The following COMMD10 variants were observed in gnomAD, a reference collection of about 807,000 sequenced individuals.
COMMD10 encodes the protein COMM domain containing 10.
Under a neutral mutation model 28.9 loss-of-function variants are expected in COMMD10, and 33 were observed. That is an observed-to-expected ratio of 1.14 (90% CI 0.87 to 1.53). COMMD10 has a LOEUF of 1.53. COMMD10 is among the 40% of genes most tolerant of loss of function. The pLI is 0.00. For synonymous variants in COMMD10, 110 were observed against 81.7 expected (o/e 1.35, Z -1.87); for missense variants, 310 against 233.4 (o/e 1.33, Z -2.14).
At chr5:116,125,001 G>C (rs776798747) in intron 4 of COMMD10, among the ~76,000 whole-genome samples, 7 of 151,490 alleles carry the variant, frequency 4.6e-5, no homozygotes, top group Non-Finnish European at 8.9e-5. Context: ...GCACACTGTT[G>C]AGTGTCTTGT....
intron 5 of COMMD10, among the ~76,000 whole-genome samples, chr5:116,185,154 A>G (rs1354813170): frequency 6.6e-6 from 1 of 152,114 alleles, no homozygotes; most frequent in South Asian, 2.1e-4. Flanking sequence ...GCGCCCATAG[A>G]TCTTTATATT....
intron 5 of COMMD10, among the ~76,000 whole-genome samples, chr5:116,162,377 T>C (rs1752946407): frequency 6.6e-6 from 1 of 152,120 alleles, no homozygotes; most frequent in Admixed American, 6.5e-5. Flanking sequence ...ATGAAATCTT[T>C]TTTGCTATAA....
At chr5:116,183,366 A>G (rs1383979121) in intron 5 of COMMD10, among the ~76,000 whole-genome samples, 5 of 152,132 alleles carry the variant, frequency 3.3e-5, no homozygotes. Flanking sequence ...AGTAGTTTTG[A>G]AAATCTGGGT....
At chr5:116,171,536 T>G (rs1016620023) in intron 5 of COMMD10, among the ~76,000 whole-genome samples, 17 of 152,204 alleles carry the variant, frequency 1.1e-4, no homozygotes, top group Non-Finnish European at 5.9e-5. Context: ...CGTGTATGTT[T>G]ATTGCAGCAC....
chr5:116,165,381 A>G (rs560168782), intron 5 of COMMD10, among the ~76,000 whole-genome samples: 29 of 152,326 alleles, frequency 1.9e-4, no homozygotes, highest in African/African-American at 6.7e-4. Flanking sequence ...ATAGCCACTC[A>G]CATACATCTT....
At chr5:116,227,595 G>C (rs1187340285) in intron 5 of COMMD10, among the ~76,000 whole-genome samples, 1 of 152,034 alleles carries the variant, frequency 6.6e-6, no homozygotes, top group Non-Finnish European at 1.5e-5. Flanking sequence ...GGGGGTTATG[G>C]AACATGTCCA....
At chr5:116,155,244 G>A (rs1752668700) in intron 5 of COMMD10, among the ~76,000 whole-genome samples, 1 of 152,022 alleles carries the variant, frequency 6.6e-6, no homozygotes, top group Non-Finnish European at 1.5e-5. Context: ...GTTTATAGTT[G>A]AATTAATACA....
intron 5 of COMMD10, among the ~76,000 whole-genome samples, chr5:116,174,830 G>A (rs139664888): frequency 6.6e-6 from 1 of 152,256 alleles, no homozygotes; most frequent in African/African-American, 2.4e-5. Context: ...AGTTGTCCTT[G>A]AAGTCTATTA....
chr5:116,145,479 C>T (rs867520161), intron 5 of COMMD10, among the ~76,000 whole-genome samples: 50 of 151,620 alleles, frequency 3.3e-4, no homozygotes, highest in Middle Eastern at 6.8e-3. Flanking sequence ...AGTAACTGAC[C>T]CTGGAGTCTA....
At chr5:116,286,175 C>CT (rs1161112213) in intron 5 of COMMD10, among the ~76,000 whole-genome samples, 4 of 151,504 alleles carry the variant, frequency 2.6e-5, no homozygotes, top group Non-Finnish European at 5.9e-5. Flanking sequence ...TTTTATAACA[C>CT]TTTTTTATTT....
chr5:116,191,615 C>G (rs1361104466), intron 5 of COMMD10, among the ~76,000 whole-genome samples: 1 of 151,886 alleles, frequency 6.6e-6, no homozygotes, highest in African/African-American at 2.4e-5. Context: ...TCACCCCAAC[C>G]CCCAACAGCA....
chr5:116,223,042 T>C (rs1245295256), intron 5 of COMMD10, among the ~76,000 whole-genome samples: 2 of 152,186 alleles, frequency 1.3e-5, no homozygotes, highest in Admixed American at 6.5e-5. Flanking sequence ...TTGCTCTTGA[T>C]TGGAGTATAT....
At chr5:116,222,997 T>C (rs1749303835) in intron 5 of COMMD10, among the ~76,000 whole-genome samples, 1 of 152,204 alleles carries the variant, frequency 6.6e-6, no homozygotes, top group African/African-American at 2.4e-5. Flanking sequence ...GCCGCCCTTT[T>C]TAATACTATG....
intron 4 of COMMD10, among the ~76,000 whole-genome samples, chr5:116,107,593 A>G (rs990559229): frequency 6.6e-6 from 1 of 151,902 alleles, no homozygotes; most frequent in African/African-American, 2.4e-5. Flanking sequence ...CTTTTTTTCA[A>G]GGTTCTTAGC....
At chr5:116,243,294 A>G (rs1749860599) in intron 5 of COMMD10, among the ~76,000 whole-genome samples, 1 of 152,194 alleles carries the variant, frequency 6.6e-6, no homozygotes, top group Non-Finnish European at 1.5e-5. Context: ...TTTGCATTAC[A>G]TACATGTTCA....
At chr5:116,099,245 A>C (rs1750570902) in intron 4 of COMMD10, among the ~76,000 whole-genome samples, 1 of 152,154 alleles carries the variant, frequency 6.6e-6, no homozygotes, top group African/African-American at 2.4e-5. Context: ...TGCCTGGCTT[A>C]TTTCACTTAG....
chr5:116,149,161 C>T (rs1752434522), intron 5 of COMMD10, among the ~76,000 whole-genome samples: 1 of 142,044 alleles, frequency 7.0e-6, no homozygotes, highest in Non-Finnish European at 1.5e-5. Context: ...CAATTTCATC[C>T]ATGTCCCTAC....
At chr5:116,274,496 T>C (rs1452078095) in intron 5 of COMMD10, among the ~76,000 whole-genome samples, 1 of 151,826 alleles carries the variant, frequency 6.6e-6, no homozygotes, top group Admixed American at 6.6e-5. Context: ...CAGGTCACAC[T>C]TGGCCTGCGG....
chr5:116,248,183 G>A (rs1003550161), intron 5 of COMMD10, among the ~76,000 whole-genome samples: 2 of 150,854 alleles, frequency 1.3e-5, no homozygotes, highest in Non-Finnish European at 3.0e-5. Context: ...ATACCAGCAT[G>A]TGCTCACATC....
Sources: gnomAD v4.1 joint callset for allele counts (sites outside exome capture counted in the v4.1 genomes callset) on GRCh38, gnomAD v4.1.1 for gene constraint, MANE v1.5 for transcripts, NCBI Gene and HGNC (gene_info 2026-07-23, HGNC 2026-07-21) for gene names.